POU6F2: variants seen among roughly 807,000 people sequenced by gnomAD.
POU6F2 encodes the protein POU domain, class 6, transcription factor 2.
A neutral mutation model predicts 71.3 loss-of-function variants in POU6F2; 31 were observed. The ratio of observed to expected loss-of-function variants is 0.43; its 90% CI spans 0.33 to 0.59. The LOEUF (loss-of-function observed/expected upper bound fraction) is 0.59. POU6F2 is among the 20% of genes least tolerant of loss of function. POU6F2 has a pLI of 0.04. For missense variants in POU6F2, 783 were observed against 856.8 expected, an observed-to-expected ratio of 0.91 and a Z score of 1.07; for synonymous variants, 347 against 355.7, an observed-to-expected ratio of 0.98 and a Z score of 0.27.
At chr7:38,993,611 AACACACACAC>A (rs10553247) in intron 1 of POU6F2, among the ~76,000 whole-genome samples, 25 of 130,606 alleles carry the variant, frequency 1.9e-4, no homozygotes, top group Middle Eastern at 4.0e-3. Flanking sequence ...CAGGATTTTA[AACACACACAC>A]ACACACACAC....
intron 1 of POU6F2, among the ~76,000 whole-genome samples, chr7:39,015,240 T>TTA (rs1013738833): frequency 2.1e-5 from 3 of 144,172 alleles, no homozygotes; most frequent in Non-Finnish European, 3.0e-5. Context: ...TATATCTGTA[T>TTA]TATATATATC....
intron 1 of POU6F2, among the ~76,000 whole-genome samples, chr7:39,027,285 C>T (rs1789831110): frequency 6.6e-6 from 1 of 152,098 alleles, no homozygotes; most frequent in Non-Finnish European, 1.5e-5. Context: ...TCTGGAAACC[C>T]TCACCATTAC....
intron 1 of POU6F2, among the ~76,000 whole-genome samples, chr7:39,067,169 C>CT (rs1419542987): frequency 8.5e-4 from 118 of 138,676 alleles, no homozygotes; most frequent in Middle Eastern, 8.3e-3. Context: ...CTTACTTTGA[C>CT]TAAAAAAAAA....
At chr7:39,097,312 TAGA>T (rs924581970) in intron 2 of POU6F2, among the ~76,000 whole-genome samples, 6 of 152,220 alleles carry the variant, frequency 3.9e-5, no homozygotes, top group African/African-American at 1.2e-4. Flanking sequence ...TTATAGAAGT[TAGA>T]AGAACAATCT....
intron 1 of POU6F2, among the ~76,000 whole-genome samples, chr7:39,026,294 T>G (rs1265366750): frequency 6.6e-6 from 1 of 151,888 alleles, no homozygotes; most frequent in Non-Finnish European, 1.5e-5. Flanking sequence ...TAAAGACACA[T>G]GCACACGTAT....
intron 4 of POU6F2, among the ~76,000 whole-genome samples, chr7:39,330,557 C>T (rs1438082823): frequency 6.6e-6 from 1 of 152,172 alleles, no homozygotes; most frequent in Non-Finnish European, 1.5e-5. Flanking sequence ...TTATTTCCTG[C>T]AGAGCCAAAA....
chr7:39,143,496 A>G (rs562863056), intron 2 of POU6F2, among the ~76,000 whole-genome samples: 1 of 152,236 alleles, frequency 6.6e-6, no homozygotes, highest in Non-Finnish European at 1.5e-5. Context: ...AGAGAATTCT[A>G]AATTTATTAA....
In POU6F2 at chr7:39,318,850, C is replaced by T. The variant is rs1785325821; in HGVS notation, c.599-20792C>T. On this transcript the variant is annotated intron_variant, in intron 4 of 9. Coordinates refer to ENST00000518318, the MANE Select transcript of POU6F2 (RefSeq NM_001370959.1). ...ATACAAACCCAGGTAATAGTCAAAA[C>T]TCCAACTTGGGGCCAGGCGCAATGG... 2.6e-5 allele frequency among the ~76,000 whole-genome samples: 4 copies of T among 152,158 alleles called. 1 individual carries two copies. Among genetic ancestry groups the T allele is most frequent in the South Asian group, 4.1e-4 (2 of 4,824 alleles).
At chr7:39,203,391 G>A (rs1404392928) in intron 2 of POU6F2, among the ~76,000 whole-genome samples, 1 of 152,204 alleles carries the variant, frequency 6.6e-6, no homozygotes, top group Non-Finnish European at 1.5e-5. Context: ...AAGCTACCAA[G>A]TAGAAATTCT....
Position 39,465,439 on chromosome 7 carries a change from T to TTCTTTGTCTTTC in POU6F2, c.*754_*755insCTTTGTCTTTCT. The TTCTTTGTCTTTC allele has an allele frequency of 6.6e-6, 1 of 152,278 alleles. No homozygotes were observed. The highest frequency in any genetic ancestry group is 1.5e-5 in the Non-Finnish European group (1 of 68,034). 9.4% of individuals were successfully genotyped at this position (152,278 alleles called of 1,614,324 possible). A position where few individuals can be genotyped will look rare whatever the true frequency, so the allele number is the denominator to read the frequency against. Reference sequence around the variant, plus strand: ...GGGGGTGGTAGGGAGGGTGGTCTTTTTTCTTTGTCTTTCTTTTTGACGGGA... The same window carrying TTCTTTGTCTTTC: ...GGGGGTGGTAGGGAGGGTGGTCTTTTTCTTTGTCTTTCTTCTTTGTCTTTCTTTTTGACGGGA... On this transcript the variant is annotated 3_prime_UTR_variant, in exon 10 of 10. Transcript: ENST00000518318.
intron 2 of POU6F2, among the ~76,000 whole-genome samples, chr7:39,123,687 AT>A: frequency 6.6e-6 from 1 of 151,940 alleles, no homozygotes; most frequent in Non-Finnish European, 1.5e-5. Context: ...TGTCTTGGGT[AT>A]TTTTAAGGCT....
At chr7:38,995,124 A>G (rs912687120) in intron 1 of POU6F2, among the ~76,000 whole-genome samples, 2 of 152,212 alleles carry the variant, frequency 1.3e-5, no homozygotes, top group African/African-American at 4.8e-5. Flanking sequence ...TCATAGCTCA[A>G]TGTTCCTCCA....
chr7:39,020,480 T>C (rs1789659040), intron 1 of POU6F2, among the ~76,000 whole-genome samples: 2 of 152,148 alleles, frequency 1.3e-5, no homozygotes, highest in African/African-American at 4.8e-5. Flanking sequence ...ATTTCTTCTT[T>C]GGGGGATTTT....
intron 5 of POU6F2, among the ~76,000 whole-genome samples, chr7:39,375,422 T>C (rs2115770388): frequency 6.6e-6 from 1 of 152,260 alleles, no homozygotes; most frequent in South Asian, 2.1e-4. Context: ...ACTGGGAAAT[T>C]CCACCTTCAT....
chr7:39,174,701 C>T (rs1046090428), intron 2 of POU6F2, among the ~76,000 whole-genome samples: 6 of 152,102 alleles, frequency 3.9e-5, no homozygotes, highest in African/African-American at 1.4e-4. Context: ...TCTCCTCAGT[C>T]TTCACCTGAT....
At chr7:39,051,269 C>G (rs903664048) in intron 1 of POU6F2, among the ~76,000 whole-genome samples, 2 of 152,096 alleles carry the variant, frequency 1.3e-5, no homozygotes, top group African/African-American at 4.8e-5. Context: ...AAAGCTGATC[C>G]ACAAGAGTGG....
chr7:39,045,303 A>G (rs2128712783), intron 1 of POU6F2, among the ~76,000 whole-genome samples: 1 of 152,022 alleles, frequency 6.6e-6, no homozygotes. Context: ...CCAAAGCATG[A>G]GAGCTTCCTA....
intron 6 of POU6F2, among the ~76,000 whole-genome samples, chr7:39,416,686 A>C (rs1787684062): frequency 6.6e-6 from 1 of 152,228 alleles, no homozygotes; most frequent in Admixed American, 6.5e-5. Flanking sequence ...TTTGAGTCTA[A>C]GACACCACTG....
At chr7:39,411,232 T>C (rs1787541922) in intron 6 of POU6F2, among the ~76,000 whole-genome samples, 1 of 152,180 alleles carries the variant, frequency 6.6e-6, no homozygotes, top group Non-Finnish European at 1.5e-5. Context: ...TGAGTGTATA[T>C]ATGTGCTCTT....
Sources: allele counts gnomAD v4.1 joint callset (sites outside exome capture counted in the v4.1 genomes callset), GRCh38; gene constraint gnomAD v4.1.1; transcripts MANE v1.5; gene names NCBI Gene and HGNC (gene_info 2026-07-23, HGNC 2026-07-21).